The following RPE65 variants were observed in gnomAD, a reference collection of about 807,000 sequenced individuals.
RPE65 encodes retinoid isomerohydrolase.
Under a neutral mutation model 68.5 loss-of-function variants are expected in RPE65, and 58 were observed. That is an observed-to-expected ratio of 0.85 (90% CI 0.69 to 1.05). RPE65 has a LOEUF of 1.05. RPE65 is among the 50% of genes least tolerant of loss of function. The pLI is 0.00. For synonymous variants in RPE65, 220 were observed against 222.2 expected, an observed-to-expected ratio of 0.99 and a Z score of 0.09; for missense variants, 643 against 629.9, an observed-to-expected ratio of 1.02 and a Z score of -0.22.
At chr1:68,446,166 G>GT (rs1480685176) in intron 3 of RPE65, among the ~76,000 whole-genome samples, 1 of 151,924 alleles carries the variant, frequency 6.6e-6, no homozygotes, top group East Asian at 1.9e-4. Flanking sequence ...TCTCTTTCTG[G>GT]TAGCACTATG....
chr1:68,431,370 T>A lies in RPE65; in HGVS notation c.1250A>T (p.Glu417Val). ...CTTCTGGTAATTGATTTGAGGAAACTCAAATGCTACGAAATAGAGCACATG... is the reference window on the plus strand; with the variant it reads ...CTTCTGGTAATTGATTTGAGGAAACACAAATGCTACGAAATAGAGCACATG... Reference protein sequence around the residue: ...VLFSGPRQAFEFPQINYQKYC... With the variant: ...VLFSGPRQAFVFPQINYQKYC... Residue 417 changes from glutamate (E) to valine (V), a missense_variant, in exon 12 of 14, where the codon GAG (glutamate) becomes GTG (valine). Transcript: ENST00000262340. The A allele has an allele frequency of 6.2e-7, 1 of 1,613,910 alleles. No homozygotes were observed. The highest frequency in any genetic ancestry group is 1.1e-5 in the South Asian group (1 of 91,072).
chr1:68,446,397 A>G (rs1645943546), intron 3 of RPE65, among the ~76,000 whole-genome samples: 1 of 152,138 alleles, frequency 6.6e-6, no homozygotes, highest in Admixed American at 6.5e-5. Context: ...TATTTCTCCC[A>G]TTTTACTAAT....
intron 1 of RPE65, 97 bp downstream of exon 1, chr1:68,449,798 G>C (rs1413258103): frequency 1.4e-6 from 2 of 1,401,404 alleles, no homozygotes; most frequent in African/African-American, 2.8e-5. Context: ...TCCTAAACAG[G>C]TCATTAATCA....
At chr1:68,435,636 T>G (rs1003145935) in intron 10 of RPE65, among the ~76,000 whole-genome samples, 1 of 152,204 alleles carries the variant, frequency 6.6e-6, no homozygotes, top group African/African-American at 2.4e-5. Flanking sequence ...TATCTCCCTC[T>G]CCACCTATCT....
At position 68,439,056 on chromosome 1, in the gene RPE65, T is replaced by C. The variant is rs747824902; in HGVS notation, c.884A>G (p.Lys295Arg). 6.2e-7 allele frequency: 1 copy of C among 1,614,118 alleles called. No individual in the cohort carries two copies. Among genetic ancestry groups the C allele is most frequent in the African/African-American group, 1.3e-5 (1 of 75,028 alleles). The change falls in exon 9 of 14, where the codon AAA (lysine) becomes AGA (arginine). Residue 295 changes from lysine (K) to arginine (R), a missense_variant. Lys to Arg is a conservative substitution (Grantham distance 26, BLOSUM62 2). Transcript: ENST00000262340. ...TTTATTATTGAGGTACTTTTTCCTT[T>C]TTTTGTCAGCAATATGAAGCCAAAC... ...MGVWLHIADK[K>R]RKKYLNNKYR...
rs750099371 is a variant in RPE65, at chr1:68,439,610, C to A, written c.676G>T (p.Val226Phe). The change falls in exon 7 of 14, where the codon GTT (valine) becomes TTT (phenylalanine). Residue 226 changes from valine to phenylalanine, a missense_variant. By Grantham distance (50) the Val-to-Phe change is conservative. Transcript: ENST00000262340. Reference protein sequence around the residue: ...KEDPISKSEIVVQFPCSDRFK... With the variant: ...KEDPISKSEIFVQFPCSDRFK... ...CGGTCACTGCAGGGGAATTGTACAA[C>A]GATCTCTGACTTGCTTATTGGATCT... 6.2e-7 allele frequency: 1 copy of A among 1,613,790 alleles called. No individual in the cohort carries two copies. Among genetic ancestry groups the A allele is most frequent in the African/African-American group, 1.3e-5 (1 of 74,998 alleles).
intron 10 of RPE65, among the ~76,000 whole-genome samples, chr1:68,436,659 G>A (rs1645865388): frequency 1.3e-5 from 2 of 152,032 alleles, no homozygotes; most frequent in South Asian, 4.2e-4. Context: ...GTAAAGATGA[G>A]GTTTCTCCAT....
chr1:68,447,633 G>C (rs183089473), intron 2 of RPE65, among the ~76,000 whole-genome samples: 2 of 152,236 alleles, frequency 1.3e-5, no homozygotes, highest in Admixed American at 1.3e-4. Context: ...AGGCCTAGGC[G>C]GGCGGATCAC....
Position 68,440,885 on chromosome 1 carries a change from T to A in RPE65, c.611A>T (p.Tyr204Phe), listed in dbSNP as rs748178346. Residue 204 changes from tyrosine to phenylalanine, a missense_variant, in exon 6 of 14, where the codon TAC becomes TTC. Transcript: ENST00000262340. ...NCFGKNFSIA[Y>F]NIVKIPPLQA... ...CAGTGGTGGGATCTTTACAATGTTG[T>A]AGGCAATTGAAAAATTTTTTCCAAA... The A allele has an allele frequency of 6.2e-7, 1 of 1,614,090 alleles. No individual in the cohort carries two copies. The highest frequency in any genetic ancestry group is 8.5e-7 in the Non-Finnish European group (1 of 1,179,942).
At chr1:68,444,475 T>TTCAACA (rs1346949251) in intron 5 of RPE65, 56 bp downstream of exon 5, 1 of 1,601,648 alleles carries the variant, frequency 6.2e-7, no homozygotes, top group Non-Finnish European at 8.6e-7. Flanking sequence ...TTATGTTGAA[T>TTCAACA]TAATTTTAAG....
intron 5 of RPE65, among the ~76,000 whole-genome samples, chr1:68,442,025 G>GA (rs1181485276): frequency 6.6e-6 from 1 of 152,184 alleles, no homozygotes; most frequent in Non-Finnish European, 1.5e-5. Flanking sequence ...TTTTTAGATA[G>GA]AACTTCAAAT....
intron 1 of RPE65, among the ~76,000 whole-genome samples, chr1:68,449,504 C>A (rs559826144): frequency 6.6e-6 from 1 of 152,174 alleles, no homozygotes. Flanking sequence ...GGTATTATCT[C>A]TTTTAAATCT....
In RPE65 at chr1:68,429,825, A is replaced by G. The variant is rs1192423257; in HGVS notation, c.1553T>C (p.Val518Ala). Reference sequence around the variant, plus strand: ...AAAGGTGACAGGGATGTTAATCTCCACTTCAGCCCGGGCAACTTCACTTAA... The same window carrying G: ...AAAGGTGACAGGGATGTTAATCTCCGCTTCAGCCCGGGCAACTTCACTTAA... Reference protein sequence around the residue: ...KDLSEVARAEVEINIPVTFHG... With the variant: ...KDLSEVARAEAEINIPVTFHG... The change falls in exon 14 of 14, where the codon GTG becomes GCG. Residue 518 changes from valine (V) to alanine (A), a missense_variant. By Grantham distance (64) the Val-to-Ala change is moderately conservative (BLOSUM62 0). Transcript: ENST00000262340. 3.1e-6 allele frequency: 5 copies of G among 1,613,712 alleles called. No individual in the cohort carries two copies.
intron 10 of RPE65, among the ~76,000 whole-genome samples, chr1:68,435,260 G>A (rs1645852655): frequency 6.6e-6 from 1 of 151,942 alleles, no homozygotes; most frequent in Admixed American, 6.6e-5. Context: ...ATTTTCTGGA[G>A]CTACTGTGCT....
chr1:68,430,210 G>A lies in RPE65; in HGVS notation c.1451-283C>T, dbSNP rs532310398. 3.3e-5 allele frequency among the ~76,000 whole-genome samples: 5 copies of A among 152,284 alleles called. No homozygotes were observed. The East Asian group carries it at 9.7e-4, about 29-fold the overall frequency. On this transcript the variant is annotated intron_variant, in intron 13 of 13. Transcript: ENST00000262340. Reference sequence around the variant, plus strand: ...ATTCTATGACAATGACTACAGCGTAGTAGGTACTCATTAAATACTCACTGA... The same window carrying A: ...ATTCTATGACAATGACTACAGCGTAATAGGTACTCATTAAATACTCACTGA...
In RPE65 at chr1:68,429,027, T is replaced by C. The variant is rs901209789; in HGVS notation, c.*749A>G. 4.1e-5 allele frequency: 6 copies of C among 144,638 alleles called. No homozygotes were observed. Among genetic ancestry groups the C allele is most frequent in the Non-Finnish European group, 7.5e-5 (5 of 66,804 alleles). The allele number at this position is 144,638 out of a possible 1,614,324, so 9.0% of individuals were successfully genotyped here. A position where few individuals can be genotyped will look rare whatever the true frequency, so the allele number is the denominator to read the frequency against. ...CCCATAATCTGATTTTAGTAAATAT[T>C]ACATTTTTAAGCATTTTATGCTGTT... On this transcript the variant is annotated 3_prime_UTR_variant, in exon 14 of 14. Coordinates refer to ENST00000262340, the MANE Select transcript of RPE65 (RefSeq NM_000329.3).
At position 68,440,838 on chromosome 1, in the gene RPE65, G is replaced by T. The variant is rs753257368; in HGVS notation, c.643+15C>A. 4 of 1,613,682 alleles carry T rather than the reference G, an allele frequency of 2.5e-6. No homozygotes were observed. The highest frequency in any genetic ancestry group is 1.3e-5 in the African/African-American group (1 of 74,918). On this transcript the variant is annotated intron_variant, in intron 6 of 13. Transcript: ENST00000262340. ...AGACACTTATTTTCAGAAGAGGACA[G>T]ATTGGTAAACTCACCTGCTTGCAGT...
chr1:68,431,627 A>C (rs1441892472), intron 10 of RPE65, 42 bp from the exon 11 acceptor site: 4 of 1,525,412 alleles, frequency 2.6e-6, no homozygotes, highest in African/African-American at 1.4e-5. Flanking sequence ...GCAGGAAAGA[A>C]TTCAAACAGC....
chr1:68,440,508 T>C (rs1040467126), intron 6 of RPE65, among the ~76,000 whole-genome samples: 1 of 152,210 alleles, frequency 6.6e-6, no homozygotes, highest in African/African-American at 2.4e-5. Context: ...GCTTATTTAA[T>C]TTAATTTTGC....
Sources: allele counts gnomAD v4.1 joint callset (sites outside exome capture counted in the v4.1 genomes callset), GRCh38; gene constraint gnomAD v4.1.1; transcripts MANE v1.5; gene names NCBI Gene and HGNC (gene_info 2026-07-23, HGNC 2026-07-21).